The following ELOVL2 variants were observed in gnomAD, a reference collection of about 807,000 sequenced individuals.
ELOVL2 encodes very long chain fatty acid elongase 2.
A neutral mutation model predicts 37.7 loss-of-function variants in ELOVL2; 38 were observed. The ratio of observed to expected loss-of-function variants is 1.01; its 90% CI spans 0.78 to 1.32. ELOVL2 has a LOEUF of 1.32. ELOVL2 is among the 40% of genes most tolerant of loss of function. The probability of loss-of-function intolerance (pLI) is 0.00; values close to 1 mark genes in which losing one functional copy is unlikely to be tolerated. For synonymous variants in ELOVL2, 115 were observed against 122.3 expected, an observed-to-expected ratio of 0.94 and a Z score of 0.40; for missense variants, 352 against 363.6, an observed-to-expected ratio of 0.97 and a Z score of 0.26.
At chr6:11,019,057 T>C (rs1782726072) in intron 1 of ELOVL2, among the ~76,000 whole-genome samples, 1 of 152,204 alleles carries the variant, frequency 6.6e-6, no homozygotes, top group Non-Finnish European at 1.5e-5. Context: ...TTGATCAGGA[T>C]AGTATACTTC....
In ELOVL2 at chr6:10,994,941, A is replaced by G. The variant is rs147331928; in HGVS notation, c.505+66T>C. ...TCCTGATCTGCATGCGATGCTTAAT[A>G]CAAGACAGCACCAGTGGTCTCTAAG... On this transcript the variant is annotated intron_variant, in intron 5 of 7. Transcript: ENST00000354666. 1.8e-3 allele frequency: 2,352 copies of G among 1,309,032 alleles called. 12 individuals are homozygous for G. Among genetic ancestry groups the G allele is most frequent in the South Asian group, 0.012 (834 of 67,532 alleles). 81.1% of individuals were successfully genotyped at this position (1,309,032 alleles called of 1,614,324 possible).
At chr6:11,025,112 C>A (rs752907125) in intron 1 of ELOVL2, among the ~76,000 whole-genome samples, 58 of 152,270 alleles carry the variant, frequency 3.8e-4, no homozygotes, top group Non-Finnish European at 7.5e-4. Context: ...TAAATTCTAG[C>A]AGCCACTGAC....
intron 1 of ELOVL2, among the ~76,000 whole-genome samples, chr6:11,036,563 A>G (rs1348480363): frequency 2.0e-5 from 3 of 152,216 alleles, no homozygotes; most frequent in African/African-American, 4.8e-5. Flanking sequence ...AGCACAGCCA[A>G]CTGAGTATTT....
At chr6:10,990,208 A>G in intron 6 of ELOVL2, 110 bp downstream of exon 6, 2 of 1,418,746 alleles carry the variant, frequency 1.4e-6, no homozygotes, top group Admixed American at 5.0e-5. Flanking sequence ...TTTTGGAAAA[A>G]AAATGGGCAG....
chr6:11,043,408 C>CA (rs763064735), intron 1 of ELOVL2: 10 of 120,300 alleles, frequency 8.3e-5, no homozygotes, highest in Admixed American at 4.6e-4. Flanking sequence ...CGGGTGAACA[C>CA]ACACACACAC....
chr6:11,017,104 G>C (rs1307600415), intron 1 of ELOVL2, among the ~76,000 whole-genome samples: 1 of 152,110 alleles, frequency 6.6e-6, no homozygotes, highest in African/African-American at 2.4e-5. Context: ...GTCTACCTTA[G>C]GTTCTAAGGA....
At position 10,982,870 on chromosome 6, in the gene ELOVL2, C is replaced by T. The variant is rs932635122; in HGVS notation, c.*911G>A. On this transcript the variant is annotated 3_prime_UTR_variant, in exon 8 of 8. Transcript: ENST00000354666. The stretch of plus-strand genomic sequence containing the variant: ...CTATTTTGCTCCCATCACTCTGCTA[C>T]TTCTGCTAGTTCTGATTTATACATA... 2 of 152,226 alleles carry T rather than the reference C, an allele frequency of 1.3e-5. No individual in the cohort carries two copies. Among genetic ancestry groups the T allele is most frequent in the African/African-American group, 2.4e-5 (1 of 41,458 alleles). The allele number at this position is 152,226 out of a possible 1,614,324, so 9.4% of individuals were successfully genotyped here. A position where few individuals can be genotyped will look rare whatever the true frequency, so the allele number is the denominator to read the frequency against.
At chr6:11,016,792 CT>C (rs3841700) in intron 1 of ELOVL2, among the ~76,000 whole-genome samples, 3,550 of 152,226 alleles carry the variant, frequency 0.023, 154 homozygotes, top group East Asian at 0.19. Context: ...ATGTGTTCAC[CT>C]TTGTGAATGA....
At chr6:10,994,960 C>G (rs779479376) in intron 5 of ELOVL2, 47 bp downstream of exon 5, 1 of 1,448,344 alleles carries the variant, frequency 6.9e-7, no homozygotes, top group East Asian at 2.3e-5. Context: ...CACCAGTGGT[C>G]TCTAAGAGCC....
rs1479399546 is a variant in ELOVL2 at position 10,990,380 on chromosome 6, A to G, written c.568T>C (p.Ser190Pro). 1.9e-6 allele frequency: 3 copies of G among 1,612,966 alleles called. No individual in the cohort carries two copies. Among genetic ancestry groups the G allele is most frequent in the Non-Finnish European group, 2.5e-6 (3 of 1,179,524 alleles). The change falls in exon 6 of 8, where the codon TCT becomes CCT. Residue 190 changes from serine (S) to proline (P), a missense_variant. Coordinates refer to ENST00000354666, the MANE Select transcript of ELOVL2 (RefSeq NM_017770.4). ...TACTTGTGCATAGATGGAAACACAG[A>G]AAGTCCATAGTAGGAGTACATAAGA... Reference protein sequence around the residue: ...HILMYSYYGLSVFPSMHKYLW... With the variant: ...HILMYSYYGLPVFPSMHKYLW...
rs1286282675 is a variant in ELOVL2 at position 11,005,502 on chromosome 6, G to GT, written c.124dup (p.Thr42AsnfsTer12). The GT allele has an allele frequency of 6.8e-6, 11 of 1,613,616 alleles. No homozygotes were observed. Among genetic ancestry groups the GT allele is most frequent in the African/African-American group, 1.3e-5 (1 of 74,864 alleles). On this transcript the variant is annotated frameshift_variant, in exon 3 of 8. Transcript: ENST00000354666. LOFTEE classifies it high-confidence loss of function. Reference sequence around the variant, plus strand: ...CCATATTGAGAGCAGATACATGACAGTAAGAAAAAAGGTAGGAAGGTAAGA... The same window carrying GT: ...CCATATTGAGAGCAGATACATGACAGTTAAGAAAAAAGGTAGGAAGGTAAGA...
At chr6:10,991,858 C>G (rs977989358) in intron 5 of ELOVL2, among the ~76,000 whole-genome samples, 4 of 152,162 alleles carry the variant, frequency 2.6e-5, no homozygotes, top group African/African-American at 9.7e-5. Flanking sequence ...AAATACAGCA[C>G]CTTCCACAGT....
Position 10,990,358 on chromosome 6 carries a change from T to C in ELOVL2, c.590A>G (p.Lys197Arg), listed in dbSNP as rs746594700. The change falls in exon 6 of 8, where the codon AAG becomes AGG. Residue 197 changes from lysine to arginine, a missense_variant. Physicochemically the swap from Lys to Arg is conservative, Grantham distance 26. Coordinates refer to ENST00000354666, the MANE Select transcript of ELOVL2 (RefSeq NM_017770.4). ...GAGATATTTCTTCCACCAAAGATAC[T>C]TGTGCATAGATGGAAACACAGAAAG... ...YGLSVFPSMH[K>R]YLWWKKYLTQ... is the part of the protein sequence containing the mutation. 6 of 1,613,084 alleles carry C rather than the reference T, an allele frequency of 3.7e-6. No homozygotes were observed. The highest frequency in any genetic ancestry group is 1.7e-5 in the Admixed American group (1 of 59,870).
At chr6:11,000,265 G>C (rs1782359464) in intron 3 of ELOVL2, 101 bp from the exon 4 acceptor site, 1 of 1,097,012 alleles carries the variant, frequency 9.1e-7, no homozygotes, top group Non-Finnish European at 1.4e-6. Flanking sequence ...TTCAAGGTTT[G>C]AGTAGGAATT....
chr6:11,031,247 T>C (rs999418224), intron 1 of ELOVL2, among the ~76,000 whole-genome samples: 14 of 152,240 alleles, frequency 9.2e-5, no homozygotes, highest in Non-Finnish European at 2.1e-4. Context: ...AAAATGCTGC[T>C]TTATACAAAT....
intron 1 of ELOVL2, among the ~76,000 whole-genome samples, chr6:11,012,561 C>A (rs1303161683): frequency 6.6e-6 from 1 of 152,168 alleles, no homozygotes; most frequent in East Asian, 1.9e-4. Context: ...AGCTTGTTTG[C>A]TAAGGTTCAA....
intron 1 of ELOVL2, among the ~76,000 whole-genome samples, chr6:11,033,194 T>C (rs183781372): frequency 9.3e-4 from 141 of 152,340 alleles, no homozygotes; most frequent in Non-Finnish European, 1.3e-3. Flanking sequence ...TTTAGTTTTT[T>C]ACTCCTACAC....
intron 1 of ELOVL2, among the ~76,000 whole-genome samples, chr6:11,035,262 TAGA>T (rs1254493677): frequency 2.6e-5 from 4 of 152,168 alleles, no homozygotes; most frequent in African/African-American, 9.7e-5. Context: ...ACGATTTTGC[TAGA>T]AGTTCTTCCC....
At chr6:11,039,840 AT>A (rs1424311136) in intron 1 of ELOVL2, among the ~76,000 whole-genome samples, 1 of 152,238 alleles carries the variant, frequency 6.6e-6, no homozygotes, top group Non-Finnish European at 1.5e-5. Context: ...AAGGAAAGGT[AT>A]TAAGGGTAGG....
Sources: gnomAD v4.1 joint callset for allele counts (sites outside exome capture counted in the v4.1 genomes callset) on GRCh38, gnomAD v4.1.1 for gene constraint, MANE v1.5 for transcripts, NCBI Gene and HGNC (gene_info 2026-07-23, HGNC 2026-07-21) for gene names.